ZDHHC14: variants seen among roughly 807,000 people sequenced by gnomAD.
ZDHHC14 encodes the protein zDHHC palmitoyltransferase 14, also known as palmitoyltransferase ZDHHC14.
In ZDHHC14, 16 loss-of-function variants were observed where a neutral mutation model predicts 47.7. The observed-to-expected ratio is 0.34, with a 90% CI of 0.23 to 0.51. The LOEUF is 0.51. ZDHHC14 is among the 20% of genes least tolerant of loss of function. ZDHHC14 has a pLI of 0.97. For synonymous variants in ZDHHC14, 293 were observed against 278.9 expected (o/e 1.05, Z -0.50); for missense variants, 515 against 662.5 (o/e 0.78, Z 2.44).
intron 8 of ZDHHC14, 28 bp downstream of exon 8, chr6:157,653,655 G>A (rs778563088): frequency 1.2e-4 from 185 of 1,599,668 alleles, no homozygotes; most frequent in South Asian, 1.9e-4. Context: ...TGCTCCCTGC[G>A]AGGGCTTCCC....
chr6:157,485,503 AT>A (rs1462638480), intron 1 of ZDHHC14, among the ~76,000 whole-genome samples: 1 of 152,006 alleles, frequency 6.6e-6, no homozygotes, highest in Non-Finnish European at 1.5e-5. Flanking sequence ...ATGTGGTTAG[AT>A]TTTTGTTTTC....
chr6:157,382,222 G>T lies in ZDHHC14; in HGVS notation c.201G>T (p.Thr67=). ...MARQTGVFYL[T]LVLILVTSGL... is the part of the protein sequence containing the mutation. ...GGCAGACGGGCGTCTTCTACCTGAC[G>T]CTCGTCCTCATCCTGGTCACTAGCG... is the stretch of plus-strand genomic sequence containing the variant. The change falls in exon 1 of 9, where the codon ACG becomes ACT. Residue 67 remains threonine, a synonymous_variant. Coordinates refer to ENST00000359775, the MANE Select transcript of ZDHHC14 (RefSeq NM_024630.3). 6.2e-7 allele frequency: 1 copy of T among 1,612,948 alleles called. No individual in the cohort carries two copies. Among genetic ancestry groups the T allele is most frequent in the Non-Finnish European group, 8.5e-7 (1 of 1,179,528 alleles).
chr6:157,571,496 T>C (rs563304341), intron 2 of ZDHHC14, among the ~76,000 whole-genome samples: 11 of 152,384 alleles, frequency 7.2e-5, no homozygotes, highest in African/African-American at 2.6e-4. Flanking sequence ...CTGGCCTGGC[T>C]GTTTTACTGG....
At chr6:157,557,231 G>C (rs1362632203) in intron 2 of ZDHHC14, among the ~76,000 whole-genome samples, 1 of 152,228 alleles carries the variant, frequency 6.6e-6, no homozygotes, top group Non-Finnish European at 1.5e-5. Flanking sequence ...AGGAGGATTT[G>C]CTAGTGGTGA....
intron 1 of ZDHHC14, among the ~76,000 whole-genome samples, chr6:157,540,089 G>A (rs977592401): frequency 1.3e-5 from 2 of 152,286 alleles, no homozygotes; most frequent in South Asian, 4.1e-4. Flanking sequence ...CAGGCAGTAG[G>A]CCTCCCCGCG....
chr6:157,627,354 G>A (rs558951243), intron 3 of ZDHHC14, among the ~76,000 whole-genome samples: 2 of 152,266 alleles, frequency 1.3e-5, no homozygotes, highest in South Asian at 4.1e-4. Flanking sequence ...ACAGCCGGAG[G>A]AGAAAGCTAA....
chr6:157,393,155 A>T (rs1382944920), intron 1 of ZDHHC14, among the ~76,000 whole-genome samples: 1 of 152,226 alleles, frequency 6.6e-6, no homozygotes, highest in Admixed American at 6.5e-5. Flanking sequence ...CTGGAATTAC[A>T]GGCGTGAGCC....
chr6:157,598,896 A>T (rs764629262), intron 3 of ZDHHC14, among the ~76,000 whole-genome samples: 2 of 152,236 alleles, frequency 1.3e-5, no homozygotes, highest in Non-Finnish European at 2.9e-5. Context: ...CAGATATCAC[A>T]CTGAAAATGT....
chr6:157,507,727 C>T (rs980676150), intron 1 of ZDHHC14, among the ~76,000 whole-genome samples: 1 of 152,144 alleles, frequency 6.6e-6, no homozygotes, highest in Non-Finnish European at 1.5e-5. Flanking sequence ...GCACTGCTGT[C>T]GCTCCAGAGT....
intron 7 of ZDHHC14, among the ~76,000 whole-genome samples, chr6:157,650,651 A>G (rs543224038): frequency 1.5e-4 from 22 of 145,580 alleles, no homozygotes; most frequent in African/African-American, 4.9e-4. Flanking sequence ...TTAAAAAAAA[A>G]AGAGAGAGAG....
chr6:157,407,382 A>G (rs910034695), intron 1 of ZDHHC14, among the ~76,000 whole-genome samples: 1 of 151,742 alleles, frequency 6.6e-6, no homozygotes, highest in African/African-American at 2.4e-5. Context: ...TCTGCCTCCT[A>G]GGATTCATTG....
chr6:157,657,147 C>T (rs930790175), intron 8 of ZDHHC14, among the ~76,000 whole-genome samples: 1 of 152,064 alleles, frequency 6.6e-6, no homozygotes, highest in Non-Finnish European at 1.5e-5. Context: ...CTCCTGGTCT[C>T]AAGGTGATCC....
intron 2 of ZDHHC14, among the ~76,000 whole-genome samples, chr6:157,549,446 G>A (rs147295150): frequency 1.3e-5 from 2 of 152,168 alleles, no homozygotes; most frequent in East Asian, 3.8e-4. Context: ...AAGGGAGAGT[G>A]GGGGAGTCCC....
chr6:157,628,473 C>A lies in ZDHHC14; in HGVS notation c.690C>A (p.Thr230=), dbSNP rs1483992128. ...LTVFIFAFVI[T]HVILRSQQTG... is the part of the protein sequence containing the mutation. ...TCTTTATATTTGCATTCGTTATCACCCACGTCATTCTTCGTAAGTATGCTG... is the reference window on the plus strand; with the variant it reads ...TCTTTATATTTGCATTCGTTATCACACACGTCATTCTTCGTAAGTATGCTG... Residue 230 remains threonine, a synonymous_variant, in exon 4 of 9, where the codon ACC becomes ACA. Coordinates refer to ENST00000359775, the MANE Select transcript of ZDHHC14 (RefSeq NM_024630.3). 2 of 1,611,876 alleles carry A rather than the reference C, an allele frequency of 1.2e-6. No homozygotes were observed. The highest frequency in any genetic ancestry group is 1.1e-5 in the South Asian group (1 of 90,504).
chr6:157,500,291 G>C (rs1780165656), intron 1 of ZDHHC14, among the ~76,000 whole-genome samples: 1 of 152,210 alleles, frequency 6.6e-6, no homozygotes, highest in Non-Finnish European at 1.5e-5. Flanking sequence ...GAGTGCAGTG[G>C]AGAACAAGAG....
intron 8 of ZDHHC14, among the ~76,000 whole-genome samples, chr6:157,672,349 G>A (rs73571882): frequency 1.3e-5 from 2 of 152,112 alleles, no homozygotes; most frequent in African/African-American, 4.8e-5. Context: ...TTTAAAAAAT[G>A]GTTTTCAGCA....
intron 2 of ZDHHC14, among the ~76,000 whole-genome samples, chr6:157,579,491 C>T (rs1783440029): frequency 6.6e-6 from 1 of 152,080 alleles, no homozygotes; most frequent in Non-Finnish European, 1.5e-5. Flanking sequence ...GCCACCATGC[C>T]CAGCCAATAT....
At chr6:157,653,014 G>C (rs572830850) in intron 7 of ZDHHC14, among the ~76,000 whole-genome samples, 9 of 152,196 alleles carry the variant, frequency 5.9e-5, no homozygotes, top group African/African-American at 2.2e-4. Context: ...TAGGAAGAGA[G>C]GGGGGAAGAG....
chr6:157,649,159 T>A (rs1045920336), intron 7 of ZDHHC14, among the ~76,000 whole-genome samples: 1 of 152,204 alleles, frequency 6.6e-6, no homozygotes, highest in Non-Finnish European at 1.5e-5. Flanking sequence ...AGTGTTTGAA[T>A]CGTTTGTTAA....
Sources: gnomAD v4.1 joint callset for allele counts (sites outside exome capture counted in the v4.1 genomes callset) on GRCh38, gnomAD v4.1.1 for gene constraint, MANE v1.5 for transcripts, NCBI Gene and HGNC (gene_info 2026-07-23, HGNC 2026-07-21) for gene names.